The following RUBCNL variants were observed in gnomAD, a reference collection of about 807,000 sequenced individuals.
The protein encoded by RUBCNL is protein associated with UVRAG as autophagy enhancer.
A neutral mutation model predicts 69.5 loss-of-function variants in RUBCNL; 62 were observed. The ratio of observed to expected loss-of-function variants is 0.89; its 90% CI spans 0.73 to 1.10. The LOEUF (loss-of-function observed/expected upper bound fraction) is 1.10. RUBCNL is among the 50% of genes least tolerant of loss of function. The probability of loss-of-function intolerance (pLI) is 0.00; values close to 1 mark genes in which losing one functional copy is unlikely to be tolerated. For missense variants in RUBCNL, 768 were observed against 798.1 expected (o/e 0.96, Z 0.45); for synonymous variants, 291 against 303.6 (o/e 0.96, Z 0.43).
At chr13:46,345,165 G>C (rs1335308641) in intron 13 of RUBCNL, among the ~76,000 whole-genome samples, 1 of 152,124 alleles carries the variant, frequency 6.6e-6, no homozygotes, top group Non-Finnish European at 1.5e-5. Context: ...ATTGAATCCT[G>C]GTTCCACATG....
chr13:46,355,584 C>CA (rs2048467648), intron 10 of RUBCNL, among the ~76,000 whole-genome samples: 1 of 152,194 alleles, frequency 6.6e-6, no homozygotes, highest in African/African-American at 2.4e-5. Context: ...AGGTGGGAGA[C>CA]ACCGTGCCTG....
In RUBCNL at chr13:46,337,656, G is replaced by A. The variant is rs532107469; in HGVS notation, c.*5729C>T. Among the ~76,000 whole-genome samples, 5 of 152,234 alleles carry A rather than the reference G, an allele frequency of 3.3e-5. No individual in the cohort carries two copies. Among genetic ancestry groups the A allele is most frequent in the South Asian group, 4.2e-4 (2 of 4,808 alleles). On this transcript the variant is annotated 3_prime_UTR_variant, in exon 15 of 15. Coordinates refer to ENST00000429979, the MANE Select transcript of RUBCNL (RefSeq NM_025113.5). Reference sequence around the variant, plus strand: ...TATTATAGCAGCCTAAACAGACTACGACAGTGACAAACCTGTTCCCTCAGT... The same window carrying A: ...TATTATAGCAGCCTAAACAGACTACAACAGTGACAAACCTGTTCCCTCAGT...
rs561296567 is a variant in RUBCNL at position 46,368,228 on chromosome 13, C to T, written c.640G>A (p.Ala214Thr). The T allele has an allele frequency of 3.2e-5, 52 of 1,613,424 alleles. No homozygotes were observed. Among genetic ancestry groups the T allele is most frequent in the Non-Finnish European group, 4.3e-5 (51 of 1,179,752 alleles). The change falls in exon 5 of 15, where the codon GCA (alanine) becomes ACA (threonine). Residue 214 changes from alanine (A) to threonine (T), a missense_variant. Ala to Thr is a moderately conservative substitution (Grantham distance 58). Transcript: ENST00000429979. ...VEKENAHFYV[A>T]DMIISAMEKM... Reference sequence around the variant, plus strand: ...TCCATTGCTGATATAATCATATCTGCAACATAAAAGTGGGCATTTTCCTGC... The same window carrying T: ...TCCATTGCTGATATAATCATATCTGTAACATAAAAGTGGGCATTTTCCTGC...
intron 10 of RUBCNL, among the ~76,000 whole-genome samples, chr13:46,352,074 C>A (rs1002258160): frequency 6.6e-6 from 1 of 152,198 alleles, no homozygotes; most frequent in African/African-American, 2.4e-5. Context: ...GTGATCCACT[C>A]ATGTTGGCCT....
At chr13:46,362,961 T>TATATATATAG (rs2048662358) in intron 6 of RUBCNL, among the ~76,000 whole-genome samples, 154 bp downstream of exon 6, 1 of 125,570 alleles carries the variant, frequency 8.0e-6, no homozygotes, top group South Asian at 2.6e-4. Context: ...TATATATATA[T>TATATATATAG]ATATATATAT....
intron 5 of RUBCNL, among the ~76,000 whole-genome samples, chr13:46,367,544 C>A (rs2138782752): frequency 6.6e-6 from 1 of 152,228 alleles, no homozygotes; most frequent in East Asian, 1.9e-4. Context: ...AGCATGATAA[C>A]CAATCCTGAC....
upstream of RUBCNL, chr13:46,387,511 A>T (rs2049280002): frequency 1.0e-6 from 1 of 985,528 alleles, no homozygotes; most frequent in Admixed American, 6.1e-5. Context: ...CGCCCTGCCT[A>T]CCCGCGGCGC....
chr13:46,343,480 G>A lies in RUBCNL; in HGVS notation c.1894C>T (p.His632Tyr), dbSNP rs1226951041. 2 of 1,613,922 alleles carry A rather than the reference G, an allele frequency of 1.2e-6. No homozygotes were observed. Among genetic ancestry groups the A allele is most frequent in the South Asian group, 1.1e-5 (1 of 91,066 alleles). ...RRCSACRACF[H>Y]KQCFQSSECP... ...TCGGAGGACTGGAAGCACTGTTTGT[G>A]AAAGCAAGCCCTGCACGCTGCAAGC... Residue 632 changes from histidine to tyrosine, a missense_variant, in exon 15 of 15, where the codon CAC becomes TAC. Physicochemically the swap from His to Tyr is moderately conservative, Grantham distance 83. Coordinates refer to ENST00000429979, the MANE Select transcript of RUBCNL (RefSeq NM_025113.5).
At chr13:46,387,294 G>T (rs982699469), upstream of RUBCNL, 1 of 985,450 alleles carries the variant, frequency 1.0e-6, no homozygotes, top group Admixed American at 6.1e-5. Context: ...ACGCCCCGAC[G>T]CCGCCACGCC....
rs79139530 is a variant in RUBCNL at position 46,362,071 on chromosome 13, C to CA, written c.986+466dup. On this transcript the variant is annotated intron_variant, in intron 7 of 14. Transcript: ENST00000429979. ...TGAAACCCCATCTCTACTAAAAATA[C>CA]AAAAAAAAAAAAAAAATTAACCAGG... Among the ~76,000 whole-genome samples the CA allele has an allele frequency of 6.1e-3, 689 of 112,344 alleles. 4 individuals are homozygous for CA. Among genetic ancestry groups the CA allele is most frequent in the South Asian group, 0.017 (60 of 3,462 alleles). The allele number at this position is 112,344 out of a possible 152,430, so 73.7% of individuals were successfully genotyped here.
chr13:46,347,962 C>G (rs534435869), intron 12 of RUBCNL, among the ~76,000 whole-genome samples: 1 of 151,966 alleles, frequency 6.6e-6, no homozygotes, highest in South Asian at 2.1e-4. Flanking sequence ...CACTGCACTC[C>G]AGCCTGGGCG....
In RUBCNL at chr13:46,335,518, G is replaced by A. The variant is rs1193987067; in HGVS notation, c.*7867C>T. ...GAATGGACTATAGAGGGGCAAGTGTGGAAAGAGGAGATAGGAGGTTTTTAA... is the reference window on the plus strand; with the variant it reads ...GAATGGACTATAGAGGGGCAAGTGTAGAAAGAGGAGATAGGAGGTTTTTAA... On this transcript the variant is annotated 3_prime_UTR_variant, in exon 15 of 15. Transcript: ENST00000429979. Among the ~76,000 whole-genome samples the A allele has an allele frequency of 2.6e-5, 4 of 152,080 alleles. No individual in the cohort carries two copies. The East Asian group carries it at 7.7e-4, about 29-fold the overall frequency.
intron 9 of RUBCNL, among the ~76,000 whole-genome samples, 194 bp from the exon 10 acceptor site, chr13:46,356,690 A>G (rs963775684): frequency 6.6e-6 from 1 of 151,962 alleles, no homozygotes. Flanking sequence ...TAAAGCTATG[A>G]CTAATTTTTT....
At chr13:46,375,290 T>G (rs1203469241) in intron 2 of RUBCNL, among the ~76,000 whole-genome samples, 2 of 152,138 alleles carry the variant, frequency 1.3e-5, no homozygotes, top group Non-Finnish European at 2.9e-5. Flanking sequence ...CCCAGCACTT[T>G]GGGAGGCCAA....
At position 46,350,319 on chromosome 13, in the gene RUBCNL, G is replaced by A. The variant is rs1270764448; in HGVS notation, c.1363C>T (p.Leu455=). 3.8e-6 allele frequency: 6 copies of A among 1,561,456 alleles called. No homozygotes were observed. In the Admixed American group the frequency reaches 5.7e-5, roughly 15 times the overall value. Reference sequence around the variant, plus strand: ...CAGCAGTCACAGAAATACTTCCCTAGGTATTCGCAGTACCGGAGCCGCTTC... The same window carrying A: ...CAGCAGTCACAGAAATACTTCCCTAAGTATTCGCAGTACCGGAGCCGCTTC... ...FVKRLRYCEY[L]GKYFCDCCHS... is the part of the protein sequence containing the mutation. Residue 455 remains leucine, a synonymous_variant, in exon 11 of 15, where the codon CTA becomes TTA. Transcript: ENST00000429979.
At chr13:46,385,360 T>A in intron 1 of RUBCNL, 1 of 569,196 alleles carries the variant, frequency 1.8e-6, no homozygotes, top group Non-Finnish European at 2.2e-6. Context: ...ATACACAATA[T>A]GACTAACAGG....
upstream of RUBCNL, chr13:46,387,513 C>T: frequency 3.0e-6 from 3 of 985,790 alleles, no homozygotes; most frequent in Non-Finnish European, 3.6e-6. Flanking sequence ...CCCTGCCTAC[C>T]CGCGGCGCGA....
intron 9 of RUBCNL, among the ~76,000 whole-genome samples, chr13:46,359,016 C>A (rs561823703): frequency 2.0e-4 from 30 of 152,172 alleles, no homozygotes; most frequent in African/African-American, 7.0e-4. Flanking sequence ...AGGTGGCTCA[C>A]ACCTGTAATC....
At chr13:46,350,702 G>T in intron 10 of RUBCNL, 1 of 221,190 alleles carries the variant, frequency 4.5e-6, no homozygotes, top group Non-Finnish European at 9.1e-6. Context: ...TCACTAGCAG[G>T]AAGACTGAAG....
Sources: gnomAD v4.1 joint callset for allele counts (sites outside exome capture counted in the v4.1 genomes callset) on GRCh38, gnomAD v4.1.1 for gene constraint, MANE v1.5 for transcripts, NCBI Gene and HGNC (gene_info 2026-07-23, HGNC 2026-07-21) for gene names.